Variants in CSNK2A2 observed in about 807,000 individuals in gnomAD.
CSNK2A2 encodes the protein casein kinase II subunit alpha'.
CSNK2A2 carries 8 observed loss-of-function variants against 54.0 expected under a neutral mutation model. That is an observed-to-expected ratio of 0.15 (90% CI 0.09 to 0.27). The LOEUF (loss-of-function observed/expected upper bound fraction) is 0.27. Ranked by LOEUF, CSNK2A2 falls within the 10% of genes least tolerant of loss-of-function variation. The pLI, the probability that CSNK2A2 is intolerant of heterozygous loss-of-function variation, is 1.00. For synonymous variants in CSNK2A2, 141 were observed against 153.9 expected, an observed-to-expected ratio of 0.92 and a Z score of 0.62; for missense variants, 242 against 439.4, an observed-to-expected ratio of 0.55 and a Z score of 4.02.
chr16:58,176,314 T>C (rs1961876694), intron 4 of CSNK2A2, among the ~76,000 whole-genome samples: 1 of 152,226 alleles, frequency 6.6e-6, no homozygotes, highest in African/African-American at 2.4e-5. Flanking sequence ...TGCATCTGTA[T>C]AAATGGTGTA....
intron 10 of CSNK2A2, among the ~76,000 whole-genome samples, chr16:58,165,034 A>G (rs1961527182): frequency 6.6e-6 from 1 of 152,238 alleles, no homozygotes; most frequent in South Asian, 2.1e-4. Context: ...ATACACATGC[A>G]GAAGAATAAG....
At chr16:58,165,803 T>A in intron 9 of CSNK2A2, 95 bp from the exon 10 acceptor site, 2 of 1,327,954 alleles carry the variant, frequency 1.5e-6, no homozygotes, top group Non-Finnish European at 2.1e-6. Flanking sequence ...CAGAATAATG[T>A]ACTGATTACA....
At chr16:58,166,113 C>T (rs1234910087) in intron 9 of CSNK2A2, among the ~76,000 whole-genome samples, 1 of 152,172 alleles carries the variant, frequency 6.6e-6, no homozygotes, top group Non-Finnish European at 1.5e-5. Flanking sequence ...AAAATGTTTA[C>T]TTCTCAACAT....
chr16:58,194,682 G>A (rs895730480), intron 2 of CSNK2A2, among the ~76,000 whole-genome samples: 1 of 152,206 alleles, frequency 6.6e-6, no homozygotes, highest in Non-Finnish European at 1.5e-5. Context: ...ATAGGAAACA[G>A]GAGTTCTGGC....
At chr16:58,164,430 T>C (rs993829012) in intron 10 of CSNK2A2, among the ~76,000 whole-genome samples, 2 of 152,220 alleles carry the variant, frequency 1.3e-5, no homozygotes, top group African/African-American at 4.8e-5. Context: ...TTCAAATTTC[T>C]ACATTTATTT....
intron 5 of CSNK2A2, among the ~76,000 whole-genome samples, chr16:58,170,875 CATA>C (rs1961715654): frequency 1.3e-5 from 2 of 152,076 alleles, no homozygotes; most frequent in Non-Finnish European, 2.9e-5. Context: ...CCTTGCCTAA[CATA>C]ATAACTATCT....
chr16:58,181,543 C>T (rs897757967), intron 4 of CSNK2A2, among the ~76,000 whole-genome samples: 2 of 152,094 alleles, frequency 1.3e-5, no homozygotes, highest in Admixed American at 6.6e-5. Context: ...ATAACAAAAA[C>T]TCACACACAA....
chr16:58,189,773 G>T (rs1304327226), intron 2 of CSNK2A2, among the ~76,000 whole-genome samples: 1 of 152,130 alleles, frequency 6.6e-6, no homozygotes, highest in Non-Finnish European at 1.5e-5. Context: ...TGATAAAAAA[G>T]GAAGGTGACA....
chr16:58,165,585 T>C lies in CSNK2A2; in HGVS notation c.951A>G (p.Lys317=). The C allele has an allele frequency of 6.2e-7, 1 of 1,613,882 alleles. No homozygotes were observed. Among genetic ancestry groups the C allele is most frequent in the Non-Finnish European group, 8.5e-7 (1 of 1,179,912 alleles). The part of the protein sequence containing the change: ...RYDHQQRLTA[K]EAMEHPYFYP... ...AGAAGTATGGGTGCTCCATGGCCTC[T>C]TTGGCAGTCAGTCTCTGTTGATGGT... Residue 317 remains lysine (K), a synonymous_variant, in exon 10 of 12, where the codon AAA becomes AAG. Coordinates refer to ENST00000262506, the MANE Select transcript of CSNK2A2 (RefSeq NM_001896.4).
At chr16:58,192,364 A>G (rs1962338503) in intron 2 of CSNK2A2, among the ~76,000 whole-genome samples, 1 of 152,268 alleles carries the variant, frequency 6.6e-6, no homozygotes, top group Non-Finnish European at 1.5e-5. Flanking sequence ...ATAAACTCAT[A>G]TATTAAAGGG....
At position 58,196,736 on chromosome 16, in the gene CSNK2A2, C is replaced by A; in HGVS notation, c.213G>T (p.Leu71=). Residue 71 remains leucine (L), a synonymous_variant, in exon 2 of 12, where the codon CTG becomes CTT. Coordinates refer to ENST00000262506, the MANE Select transcript of CSNK2A2 (RefSeq NM_001896.4). ...TNNERVVVKI[L]KPVKKKKIKR... is the part of the protein sequence containing the mutation. Reference sequence around the variant, plus strand: ...ATACCACTCATAGGACACTCACCTTCAGGATTTTTACAACCACTCTCTCAT... The same window carrying A: ...ATACCACTCATAGGACACTCACCTTAAGGATTTTTACAACCACTCTCTCAT... 6.2e-7 allele frequency: 1 copy of A among 1,606,606 alleles called. No homozygotes were observed. Among genetic ancestry groups the A allele is most frequent in the Non-Finnish European group, 8.5e-7 (1 of 1,173,136 alleles).
At chr16:58,168,860 GCT>G (rs937117278) in intron 5 of CSNK2A2, among the ~76,000 whole-genome samples, 167 bp from the exon 6 acceptor site, 2 of 152,118 alleles carry the variant, frequency 1.3e-5, no homozygotes, top group Admixed American at 1.3e-4. Flanking sequence ...GGCACCCCTT[GCT>G]CTCTCTGCAC....
intron 4 of CSNK2A2, among the ~76,000 whole-genome samples, chr16:58,183,377 CAA>C (rs397957932): frequency 1.4e-4 from 18 of 124,240 alleles, no homozygotes; most frequent in Admixed American, 1.7e-4. Flanking sequence ...AACTCGATCT[CAA>C]AAAAAAAAAA....
chr16:58,191,388 T>C (rs893721055), intron 2 of CSNK2A2, among the ~76,000 whole-genome samples: 12 of 151,748 alleles, frequency 7.9e-5, no homozygotes, highest in Non-Finnish European at 1.5e-4. Context: ...TTTAGACGAG[T>C]TTCACTTTTG....
At chr16:58,193,486 T>C (rs2142452585) in intron 2 of CSNK2A2, among the ~76,000 whole-genome samples, 2 of 152,312 alleles carry the variant, frequency 1.3e-5, no homozygotes, top group South Asian at 2.1e-4. Context: ...GAGGAAGCCT[T>C]ATATGGGAAT....
chr16:58,185,781 C>CT (rs1459153069), intron 3 of CSNK2A2, among the ~76,000 whole-genome samples: 20 of 152,200 alleles, frequency 1.3e-4, no homozygotes, highest in African/African-American at 4.8e-4. Context: ...TTCAACAATA[C>CT]TGTGTAATCT....
At position 58,197,248 on chromosome 16, in the gene CSNK2A2, A is replaced by G. The variant is rs1006084794; in HGVS notation, c.104+385T>C. On this transcript the variant is annotated intron_variant, in intron 1 of 11. Transcript: ENST00000262506. This position sits in a 1 kb window ranked among gnomAD's most constrained non-coding sequence, Gnocchi z 4.0. ...TTAAGAAATTTCCTCCCACCACCTC[A>G]TCTCAGAAAACCTAAAAGGCAGGGC... 1.5e-5 allele frequency: 4 copies of G among 275,014 alleles called. No individual in the cohort carries two copies. In the Admixed American group the frequency reaches 1.9e-4, roughly 13 times the overall value. The allele number at this position is 275,014 out of a possible 1,614,324, so 17.0% of individuals were successfully genotyped here. A position where few individuals can be genotyped will look rare whatever the true frequency, so the allele number is the denominator to read the frequency against.
At chr16:58,164,339 A>G (rs1161044915) in intron 10 of CSNK2A2, among the ~76,000 whole-genome samples, 192 bp from the exon 11 acceptor site, 1 of 152,222 alleles carries the variant, frequency 6.6e-6, no homozygotes, top group Non-Finnish European at 1.5e-5. Flanking sequence ...GATCAGGGAA[A>G]TTGTTATTGC....
intron 11 of CSNK2A2, chr16:58,163,226 A>G (rs1432037964): frequency 7.0e-6 from 1 of 143,458 alleles, no homozygotes; most frequent in Non-Finnish European, 1.5e-5. Context: ...GTGCTGGGAA[A>G]TGGTGAAGTT....
Sources: gnomAD v4.1 joint callset for allele counts (sites outside exome capture counted in the v4.1 genomes callset) on GRCh38, gnomAD v4.1.1 for gene constraint, Gnocchi (gnomAD v3.1) non-coding constraint, MANE v1.5 for transcripts, NCBI Gene and HGNC (gene_info 2026-07-23, HGNC 2026-07-21) for gene names.